XDH: variants seen among roughly 807,000 people sequenced by gnomAD.
XDH encodes the protein xanthine dehydrogenase, also known as xanthine dehydrogenase/oxidase.
Under a neutral mutation model 156.1 loss-of-function variants are expected in XDH, and 138 were observed. The observed-to-expected ratio is 0.88, with a 90% CI of 0.77 to 1.02. The LOEUF (loss-of-function observed/expected upper bound fraction) is 1.02, where lower values mean the gene tolerates loss of function less well. Ranked by LOEUF, XDH falls within the 50% of genes least tolerant of loss-of-function variation. The pLI, the probability that XDH is intolerant of heterozygous loss-of-function variation, is 0.00. For synonymous variants in XDH, 669 were observed against 625.7 expected, an observed-to-expected ratio of 1.07 and a Z score of -1.03; for missense variants, 1,849 against 1,684.9, an observed-to-expected ratio of 1.10 and a Z score of -1.71.
At chr2:31,401,464 A>G in intron 3 of XDH, 136 bp from the exon 4 acceptor site, 1 of 939,272 alleles carries the variant, frequency 1.1e-6, no homozygotes, top group Non-Finnish European at 1.7e-6. Context: ...TGTCTCTTCT[A>G]CCAGTGTCCT....
At chr2:31,344,271 G>T (rs1456845825) in intron 31 of XDH, among the ~76,000 whole-genome samples, 1 of 152,172 alleles carries the variant, frequency 6.6e-6, no homozygotes, top group Admixed American at 6.5e-5. Flanking sequence ...GTACAAAGAA[G>T]GATGCATAGC....
At chr2:31,407,166 T>C (rs1471814601) in intron 1 of XDH, among the ~76,000 whole-genome samples, 1 of 152,182 alleles carries the variant, frequency 6.6e-6, no homozygotes, top group Non-Finnish European at 1.5e-5. Context: ...ACCTCAAACT[T>C]AGTGAGGGAG....
At chr2:31,374,695 C>T (rs1041911355) in intron 15 of XDH, among the ~76,000 whole-genome samples, 1 of 152,150 alleles carries the variant, frequency 6.6e-6, no homozygotes, top group African/African-American at 2.4e-5. Flanking sequence ...CAGTGACATC[C>T]TCTCCACTTT....
rs776833087 is a variant in XDH at position 31,401,214 on chromosome 2, G to C, written c.306+6C>G. On this transcript the variant is annotated splice_donor_region_variant and intron_variant, in intron 4 of 35. Coordinates refer to ENST00000379416, the MANE Select transcript of XDH (RefSeq NM_000379.4). ...TCAAGAGCACAGCTCCCTTTCCTCTGTTTACCTGCACAGGATGCAGCCTCG... is the reference window on the plus strand; with the variant it reads ...TCAAGAGCACAGCTCCCTTTCCTCTCTTTACCTGCACAGGATGCAGCCTCG... The C allele has an allele frequency of 4.3e-6, 7 of 1,613,896 alleles. No individual in the cohort carries two copies. The African/African-American group carries it at 9.3e-5, about 22-fold the overall frequency.
intron 33 of XDH, among the ~76,000 whole-genome samples, chr2:31,340,343 G>C (rs1685094165): frequency 6.6e-6 from 1 of 152,204 alleles, no homozygotes; most frequent in Non-Finnish European, 1.5e-5. Flanking sequence ...ATTGACTAAT[G>C]GCCAGATTTT....
At chr2:31,346,307 T>C (rs1490430699) in intron 30 of XDH, among the ~76,000 whole-genome samples, 1 of 152,210 alleles carries the variant, frequency 6.6e-6, no homozygotes, top group East Asian at 1.9e-4. Context: ...ATCACAGGAA[T>C]GATAGAAGTC....
At chr2:31,388,765 C>A (rs45618640) in intron 6 of XDH, among the ~76,000 whole-genome samples, 2 of 152,176 alleles carry the variant, frequency 1.3e-5, no homozygotes, top group Non-Finnish European at 2.9e-5. Flanking sequence ...ATGTCCAAGA[C>A]GGGTGCTGAG....
chr2:31,409,778 C>G (rs985314217), intron 1 of XDH, among the ~76,000 whole-genome samples: 1 of 152,130 alleles, frequency 6.6e-6, no homozygotes, highest in Non-Finnish European at 1.5e-5. Context: ...GAACACCTGT[C>G]CACTGTTGAT....
intron 1 of XDH, among the ~76,000 whole-genome samples, chr2:31,411,504 TG>T (rs1687342396): frequency 6.6e-6 from 1 of 152,112 alleles, no homozygotes; most frequent in Non-Finnish European, 1.5e-5. Context: ...ATAAAGCAAA[TG>T]TGGCAAAACA....
At chr2:31,341,415 A>G (rs1685122604) in intron 32 of XDH, 21 bp from the exon 33 acceptor site, 1 of 1,562,636 alleles carries the variant, frequency 6.4e-7, no homozygotes, top group Admixed American at 1.9e-5. Flanking sequence ...CAGCAAAATT[A>G]CAAGAAGTTA....
intron 8 of XDH, among the ~76,000 whole-genome samples, chr2:31,387,334 G>T (rs1279046506): frequency 6.6e-6 from 1 of 152,112 alleles, no homozygotes; most frequent in African/African-American, 2.4e-5. Flanking sequence ...GTGTGAGGGG[G>T]TTTCCTTAAG....
chr2:31,360,256 G>C (rs1685741069), intron 24 of XDH, among the ~76,000 whole-genome samples: 1 of 152,234 alleles, frequency 6.6e-6, no homozygotes, highest in Non-Finnish European at 1.5e-5. Context: ...CCAGCACTTT[G>C]GGAGGATGAG....
chr2:31,349,771 C>T lies in XDH; in HGVS notation c.2884G>A (p.Gly962Ser), dbSNP rs1285476496. The T allele has an allele frequency of 1.2e-6, 2 of 1,614,152 alleles. No individual in the cohort carries two copies. Among genetic ancestry groups the T allele is most frequent in the Non-Finnish European group, 1.7e-6 (2 of 1,180,032 alleles). ...TCCCAGCATCTGGGCAAGGTGAAACCCTCAAGCTTCTGGTTGAAGTGTGTC... is the reference window on the plus strand; with the variant it reads ...TCCCAGCATCTGGGCAAGGTGAAACTCTCAAGCTTCTGGTTGAAGTGTGTC... ...DLTHFNQKLE[G>S]FTLPRCWEEC... is the part of the protein sequence containing the mutation. Residue 962 changes from glycine to serine, a missense_variant, in exon 26 of 36, where the codon GGT becomes AGT. Coordinates refer to ENST00000379416, the MANE Select transcript of XDH (RefSeq NM_000379.4).
rs561687493 is a variant in XDH, at chr2:31,383,245, G to A, written c.887-93C>T. 2.7e-5 allele frequency: 43 copies of A among 1,589,084 alleles called. No homozygotes were observed. The East Asian group carries it at 7.3e-4, about 27-fold the overall frequency. ...CCTCTGAAGCTTTCCAGCAACTGGAGCAAGGCTGAATCAGGACTCACAGCT... is the reference window on the plus strand; with the variant it reads ...CCTCTGAAGCTTTCCAGCAACTGGAACAAGGCTGAATCAGGACTCACAGCT... On this transcript the variant is annotated intron_variant, in intron 10 of 35. Transcript: ENST00000379416.
At chr2:31,346,652 C>T (rs1685302363) in intron 30 of XDH, 117 bp downstream of exon 30, 2 of 1,247,928 alleles carry the variant, frequency 1.6e-6, no homozygotes, top group Non-Finnish European at 1.2e-6. Flanking sequence ...ACCTCAACTT[C>T]TCTCTGCTGT....
intron 1 of XDH, among the ~76,000 whole-genome samples, chr2:31,408,385 AC>A (rs542431217): frequency 5.6e-4 from 86 of 152,300 alleles, no homozygotes; most frequent in African/African-American, 1.9e-3. Flanking sequence ...ACCATGGTGC[AC>A]TCCATTGAAC....
intron 31 of XDH, among the ~76,000 whole-genome samples, chr2:31,343,139 T>G (rs1259853013): frequency 6.6e-6 from 1 of 151,912 alleles, no homozygotes; most frequent in African/African-American, 2.4e-5. Context: ...GACCTCTGCT[T>G]TCACCATGCT....
chr2:31,339,464 CA>C, intron 34 of XDH, 24 bp downstream of exon 34: 1 of 1,613,406 alleles, frequency 6.2e-7, no homozygotes, highest in Non-Finnish European at 8.5e-7. Context: ...TCAGAAGAGA[CA>C]GCACAGAGCC....
rs746327932 is a variant in XDH, at chr2:31,372,184, C to T, written c.1856+44G>A. On this transcript the variant is annotated intron_variant, in intron 17 of 35. Coordinates refer to ENST00000379416, the MANE Select transcript of XDH (RefSeq NM_000379.4). ...AAGTCTCCTGGGTACTCCCAGTGGC[C>T]CCCTCACAGCATTCCACCAGCTCCT... 2.2e-5 allele frequency: 35 copies of T among 1,613,794 alleles called. No individual in the cohort carries two copies. In the South Asian group the frequency reaches 2.5e-4, roughly 12 times the overall value.
Sources: allele counts gnomAD v4.1 joint callset (sites outside exome capture counted in the v4.1 genomes callset), GRCh38; gene constraint gnomAD v4.1.1; transcripts MANE v1.5; gene names NCBI Gene and HGNC (gene_info 2026-07-23, HGNC 2026-07-21).